Variants in ZNF333 observed in about 807,000 individuals in gnomAD.
ZNF333 encodes zinc finger protein 333.
A neutral mutation model predicts 76.1 loss-of-function variants in ZNF333; 61 were observed. That is an observed-to-expected ratio of 0.80 (90% confidence interval 0.65 to 0.99). The LOEUF (loss-of-function observed/expected upper bound fraction) is 0.99. Ranked by LOEUF, ZNF333 falls within the 50% of genes least tolerant of loss-of-function variation. The pLI is 0.00. For missense variants in ZNF333, 717 were observed against 822.4 expected (o/e 0.87, Z 1.57); for synonymous variants, 284 against 305.0 (o/e 0.93, Z 0.72).
intron 5 of ZNF333, among the ~76,000 whole-genome samples, chr19:14,703,403 T>C (rs1253646255): frequency 6.6e-6 from 1 of 152,156 alleles, no homozygotes; most frequent in African/African-American, 2.4e-5. Flanking sequence ...CAGTACATAT[T>C]TGTTCGACAA....
intron 8 of ZNF333, 39 bp from the exon 9 acceptor site, chr19:14,716,073 G>A (rs1469658599): frequency 1.1e-5 from 18 of 1,612,674 alleles, no homozygotes; most frequent in South Asian, 5.5e-5. Flanking sequence ...TACTGGTGGG[G>A]GTGGTCCCTG....
At chr19:14,696,928 G>A (rs904439974) in intron 4 of ZNF333, among the ~76,000 whole-genome samples, 5 of 151,844 alleles carry the variant, frequency 3.3e-5, no homozygotes, top group Non-Finnish European at 7.4e-5. Context: ...TAGTAGAGAT[G>A]GGGTTTCACT....
intron 7 of ZNF333, among the ~76,000 whole-genome samples, chr19:14,712,744 C>T (rs1786238597): frequency 6.6e-6 from 1 of 152,092 alleles, no homozygotes; most frequent in Non-Finnish European, 1.5e-5. Context: ...GTGTATCTGT[C>T]TCTGTCTCTT....
intron 4 of ZNF333, among the ~76,000 whole-genome samples, chr19:14,697,360 T>TTC (rs1321009250): frequency 1.7e-4 from 23 of 137,032 alleles, no homozygotes; most frequent in African/African-American, 4.6e-4. Context: ...TTCTTTTCTT[T>TTC]TTTTTTTTTT....
intron 5 of ZNF333, chr19:14,699,539 C>A: frequency 2.9e-6 from 1 of 340,548 alleles, no homozygotes; most frequent in Non-Finnish European, 5.5e-6. Context: ...CGGCTCATTT[C>A]AGCCTCCACC....
In ZNF333 at chr19:14,721,056, G is replaced by GTA; in HGVS notation, c.*1732_*1733insAT. On this transcript the variant is annotated 3_prime_UTR_variant, in exon 12 of 12. Coordinates refer to ENST00000292530, the MANE Select transcript of ZNF333 (RefSeq NM_032433.4). ...TAATGATAGTAAATACTTATTTAGA[G>GTA]TTTACTATTAATAGATAGTAGCCAC... The GTA allele has an allele frequency of 1.3e-6, 1 of 773,060 alleles. No homozygotes were observed. The highest frequency in any genetic ancestry group is 1.6e-6 in the Non-Finnish European group (1 of 636,698). The allele number at this position is 773,060 out of a possible 1,614,324, so 47.9% of individuals were successfully genotyped here. A position where few individuals can be genotyped will look rare whatever the true frequency, so the allele number is the denominator to read the frequency against.
intron 8 of ZNF333, 103 bp downstream of exon 8, chr19:14,715,573 A>C: frequency 3.5e-6 from 4 of 1,135,072 alleles, no homozygotes; most frequent in Non-Finnish European, 5.1e-6. Flanking sequence ...GTTGGTCTCC[A>C]TGCTTTCAGG....
intron 7 of ZNF333, chr19:14,709,216 A>T (rs1193444232): frequency 1.3e-5 from 2 of 152,330 alleles, no homozygotes; most frequent in African/African-American, 4.8e-5. Flanking sequence ...CAACCTGTGG[A>T]ACCAGGAGCC....
chr19:14,726,717 C>T (rs1218934436), downstream of ZNF333, among the ~76,000 whole-genome samples: 1 of 152,174 alleles, frequency 6.6e-6, no homozygotes, highest in Non-Finnish European at 1.5e-5. Context: ...GGTCCTTTGC[C>T]AGGGAATAAC....
intron 6 of ZNF333, chr19:14,706,116 C>T (rs147000922): frequency 5.2e-5 from 24 of 457,666 alleles, no homozygotes; most frequent in African/African-American, 4.0e-4. Context: ...CTGCTGCTGC[C>T]ATCCTGCCCA....
At chr19:14,713,978 A>G (rs1280994354) in intron 7 of ZNF333, among the ~76,000 whole-genome samples, 1 of 152,076 alleles carries the variant, frequency 6.6e-6, no homozygotes, top group Non-Finnish European at 1.5e-5. Context: ...CAACAAACCC[A>G]GGAGAGATTG....
At chr19:14,693,566 T>G (rs1461088043) in intron 2 of ZNF333, 72 bp downstream of exon 2, 9 of 1,514,206 alleles carry the variant, frequency 5.9e-6, no homozygotes, top group Non-Finnish European at 8.1e-6. Context: ...GGGCCCTGTC[T>G]TCTCTCTCGC....
chr19:14,726,733 T>C (rs1283505452), downstream of ZNF333, among the ~76,000 whole-genome samples: 1 of 152,214 alleles, frequency 6.6e-6, no homozygotes, highest in Non-Finnish European at 1.5e-5. Context: ...ATAACAAGGC[T>C]GACCTTTGCT....
chr19:14,720,600 C>CT lies in ZNF333; in HGVS notation c.*1279dup. The CT allele has an allele frequency of 2.0e-6, 2 of 985,210 alleles. No homozygotes were observed. Among genetic ancestry groups the CT allele is most frequent in the Non-Finnish European group, 2.4e-6 (2 of 829,852 alleles). 61.0% of individuals were successfully genotyped at this position (985,210 alleles called of 1,614,324 possible). A position where few individuals can be genotyped will look rare whatever the true frequency, so the allele number is the denominator to read the frequency against. On this transcript the variant is annotated 3_prime_UTR_variant, in exon 12 of 12. Transcript: ENST00000292530. ...ATGCACTTCTTACTGGTACAGTTTTCTTTTGTTTGTTTTTGTTTTTGGTGG... is the reference window on the plus strand; with the variant it reads ...ATGCACTTCTTACTGGTACAGTTTTCTTTTTGTTTGTTTTTGTTTTTGGTGG...
chr19:14,726,413 G>A (rs1272369373), downstream of ZNF333, among the ~76,000 whole-genome samples: 1 of 152,176 alleles, frequency 6.6e-6, no homozygotes, highest in East Asian at 1.9e-4. Context: ...AGTCTCTTCA[G>A]CAAGTGGTGG....
intron 5 of ZNF333, chr19:14,702,038 C>A: frequency 2.8e-6 from 1 of 362,370 alleles, no homozygotes; most frequent in Non-Finnish European, 3.8e-6. Context: ...CCAGGCCATG[C>A]CAGGCATCAT....
intron 1 of ZNF333, among the ~76,000 whole-genome samples, 151 bp downstream of exon 1, chr19:14,690,301 C>A (rs1428131566): frequency 1.3e-5 from 2 of 152,184 alleles, no homozygotes. Flanking sequence ...ACAGTCAGGG[C>A]CTCGCATCTG....
At chr19:14,700,936 C>T (rs975332989) in intron 5 of ZNF333, among the ~76,000 whole-genome samples, 3 of 152,206 alleles carry the variant, frequency 2.0e-5, no homozygotes, top group African/African-American at 7.2e-5. Context: ...GCTTCTGGAA[C>T]ACAGAGAAGC....
chr19:14,714,269 C>T (rs1442134676), intron 7 of ZNF333, among the ~76,000 whole-genome samples: 1 of 152,040 alleles, frequency 6.6e-6, no homozygotes, highest in Non-Finnish European at 1.5e-5. Context: ...CAGCTGTAAC[C>T]AAGTTAGGAG....
Sources: gnomAD v4.1 joint callset for allele counts (sites outside exome capture counted in the v4.1 genomes callset) on GRCh38, gnomAD v4.1.1 for gene constraint, MANE v1.5 for transcripts, NCBI Gene and HGNC (gene_info 2026-07-23, HGNC 2026-07-21) for gene names.